The following NEO1 variants were observed in gnomAD, a reference collection of about 807,000 sequenced individuals.
NEO1 encodes the protein neogenin 1.
NEO1 carries 63 observed loss-of-function variants against 159.7 expected under a neutral mutation model. The ratio of observed to expected loss-of-function variants is 0.39; its 90% CI spans 0.32 to 0.49. The LOEUF (loss-of-function observed/expected upper bound fraction) is 0.49. Among genes scored for constraint, NEO1 ranks in the 20% least tolerant of loss-of-function variants. The pLI is 0.85. For synonymous variants in NEO1, 633 were observed against 662.0 expected (o/e 0.96, Z 0.67); for missense variants, 1,615 against 1,831.0 (o/e 0.88, Z 2.15).
At position 73,176,291 on chromosome 15, in the gene NEO1, T is replaced by G. The variant is rs150229089; in HGVS notation, c.1016-112T>G. On this transcript the variant is annotated intron_variant, in intron 5 of 28. Transcript: ENST00000261908. ...GCTTTTGCAAAAATATGTGAAAGCTTCAAATAATGAGTAAAAATCCTGTGG... is the reference window on the plus strand; with the variant it reads ...GCTTTTGCAAAAATATGTGAAAGCTGCAAATAATGAGTAAAAATCCTGTGG... 8.1e-4 allele frequency: 517 copies of G among 636,926 alleles called. 1 individual carries two copies. In the African/African-American group the frequency reaches 8.8e-3, roughly 11 times the overall value. 39.5% of individuals were successfully genotyped at this position (636,926 alleles called of 1,614,324 possible).
At chr15:73,210,435 AG>A (rs2152085765) in intron 7 of NEO1, among the ~76,000 whole-genome samples, 1 of 152,346 alleles carries the variant, frequency 6.6e-6, no homozygotes, top group Non-Finnish European at 1.5e-5. Context: ...AGCCCTAACC[AG>A]GGGCCAACTA....
intron 1 of NEO1, among the ~76,000 whole-genome samples, chr15:73,080,930 GAA>G (rs1309612711): frequency 2.0e-5 from 3 of 152,082 alleles, no homozygotes; most frequent in Non-Finnish European, 4.4e-5. Context: ...TAAAATAACT[GAA>G]GAGTCATTTC....
At chr15:73,110,370 T>C (rs2151571634) in intron 1 of NEO1, among the ~76,000 whole-genome samples, 1 of 152,366 alleles carries the variant, frequency 6.6e-6, no homozygotes, top group South Asian at 2.1e-4. Flanking sequence ...CCTGAGTTTC[T>C]GCTACTACTA....
intron 5 of NEO1, among the ~76,000 whole-genome samples, chr15:73,169,283 G>C (rs922842755): frequency 6.6e-6 from 1 of 152,102 alleles, no homozygotes; most frequent in Admixed American, 6.5e-5. Flanking sequence ...CTGAAATGAT[G>C]ATGGCATTTG....
At chr15:73,265,491 G>A (rs1019697222) in intron 15 of NEO1, among the ~76,000 whole-genome samples, 1 of 152,204 alleles carries the variant, frequency 6.6e-6, no homozygotes, top group Non-Finnish European at 1.5e-5. Context: ...GGAAATGAAT[G>A]AAAGTGCATA....
At chr15:73,298,687 C>T in intron 27 of NEO1, 76 bp downstream of exon 27, 1 of 1,568,176 alleles carries the variant, frequency 6.4e-7, no homozygotes. Flanking sequence ...GACAAAGCCA[C>T]CCCTTCTTTG....
At chr15:73,242,430 G>A (rs1482014004) in intron 8 of NEO1, among the ~76,000 whole-genome samples, 1 of 152,212 alleles carries the variant, frequency 6.6e-6, no homozygotes, top group Admixed American at 6.5e-5. Flanking sequence ...CACTTTGGGA[G>A]GCTGAGGCGG....
intron 1 of NEO1, among the ~76,000 whole-genome samples, chr15:73,096,978 AGCTG>A (rs1444460824): frequency 1.3e-5 from 2 of 152,114 alleles, no homozygotes; most frequent in Admixed American, 1.3e-4. Flanking sequence ...AAGAAAAATT[AGCTG>A]GGTGTGGTAG....
chr15:73,187,107 C>T lies in NEO1; in HGVS notation c.1291+8680C>T, dbSNP rs892400937. 2.0e-5 allele frequency among the ~76,000 whole-genome samples: 3 copies of T among 152,180 alleles called. No homozygotes were observed. The East Asian group carries it at 5.8e-4, about 29-fold the overall frequency. On this transcript the variant is annotated intron_variant, in intron 7 of 28. Coordinates refer to ENST00000261908, the MANE Select transcript of NEO1 (RefSeq NM_002499.4). ...TACTGCACACAACAATACTGTGTGT[C>T]GAAGATGCTCAGATACTTTCAATAT...
At chr15:73,150,252 A>T (rs2033264868) in intron 5 of NEO1, among the ~76,000 whole-genome samples, 1 of 152,226 alleles carries the variant, frequency 6.6e-6, no homozygotes, top group African/African-American at 2.4e-5. Context: ...ATCATGTTTT[A>T]CATAGTATTT....
At chr15:73,167,284 A>AT (rs1450695191) in intron 5 of NEO1, among the ~76,000 whole-genome samples, 1 of 150,740 alleles carries the variant, frequency 6.6e-6, no homozygotes, top group Admixed American at 6.7e-5. Flanking sequence ...TTAAAAAAAA[A>AT]AAAAAGATGT....
At chr15:73,109,178 T>G (rs1001181207) in intron 1 of NEO1, among the ~76,000 whole-genome samples, 1 of 152,226 alleles carries the variant, frequency 6.6e-6, no homozygotes, top group Non-Finnish European at 1.5e-5. Flanking sequence ...AATGTGATTG[T>G]GAAAACTAAG....
At position 73,295,147 on chromosome 15, in the gene NEO1, A is replaced by ATATATAT. The variant is rs1238740275; in HGVS notation, c.3901+1599_3901+1600insTATATAT. 8.6e-4 allele frequency among the ~76,000 whole-genome samples: 86 copies of ATATATAT among 100,560 alleles called. 2 individuals are homozygous for ATATATAT. Among genetic ancestry groups the ATATATAT allele is most frequent in the African/African-American group, 2.0e-3 (67 of 33,448 alleles). The allele number at this position is 100,560 out of a possible 152,430, so 66.0% of individuals were successfully genotyped here. A position where few individuals can be genotyped will look rare whatever the true frequency, so the allele number is the denominator to read the frequency against. ...TTAAATATATATATATATATATGTA[A>ATATATAT]AAATTTGGCCTTTCTACTATCTCCC... On this transcript the variant is annotated intron_variant, in intron 26 of 28. Coordinates refer to ENST00000261908, the MANE Select transcript of NEO1 (RefSeq NM_002499.4).
intron 7 of NEO1, among the ~76,000 whole-genome samples, chr15:73,191,182 C>T (rs1359851603): frequency 6.6e-6 from 1 of 152,070 alleles, no homozygotes; most frequent in Non-Finnish European, 1.5e-5. Context: ...CCCAGTCCCA[C>T]TGTGGATGAG....
chr15:73,270,151 T>C lies in NEO1; in HGVS notation c.2636T>C (p.Leu879Pro), dbSNP rs746900765. 1.2e-6 allele frequency: 2 copies of C among 1,614,192 alleles called. No homozygotes were observed. Among genetic ancestry groups the C allele is most frequent in the Admixed American group, 3.3e-5 (2 of 60,010 alleles). The change falls in exon 17 of 29, where the codon CTG becomes CCG. Residue 879 changes from leucine to proline, a missense_variant. By Grantham distance (98) the Leu-to-Pro change is moderately conservative. Transcript: ENST00000261908. Reference sequence around the variant, plus strand: ...AGGATTACGTGGGCAGACAACTCGCTGCCCAAGCACCAGAAGATTACAGAC... The same window carrying C: ...AGGATTACGTGGGCAGACAACTCGCCGCCCAAGCACCAGAAGATTACAGAC... ...TIRITWADNS[L>P]PKHQKITDSR...
At chr15:73,280,700 TTTAAG>T (rs2041654329) in intron 22 of NEO1, among the ~76,000 whole-genome samples, 1 of 152,082 alleles carries the variant, frequency 6.6e-6, no homozygotes, top group South Asian at 2.1e-4. Context: ...GTATGTACAG[TTTAAG>T]TTGTCTGTCT....
chr15:73,148,317 C>T (rs767830303), intron 5 of NEO1, among the ~76,000 whole-genome samples: 10 of 152,072 alleles, frequency 6.6e-5, no homozygotes, highest in Non-Finnish European at 1.3e-4. Context: ...TTCCCATTCT[C>T]CTCTTCAATT....
At chr15:73,251,497 G>T (rs1179011938) in intron 11 of NEO1, among the ~76,000 whole-genome samples, 1 of 136,462 alleles carries the variant, frequency 7.3e-6, no homozygotes, top group Non-Finnish European at 1.5e-5. Flanking sequence ...CTGGATGACA[G>T]AGTGAGAAGC....
chr15:73,291,816 GA>G (rs1462515835), intron 25 of NEO1, among the ~76,000 whole-genome samples: 3 of 152,078 alleles, frequency 2.0e-5, no homozygotes, highest in Admixed American at 6.5e-5. Context: ...TTATAAAAGG[GA>G]AAAAGTCAAT....
Sources: gnomAD v4.1 joint callset for allele counts (sites outside exome capture counted in the v4.1 genomes callset) on GRCh38, gnomAD v4.1.1 for gene constraint, MANE v1.5 for transcripts, NCBI Gene and HGNC (gene_info 2026-07-23, HGNC 2026-07-21) for gene names.